RASGEF1C: variants seen among roughly 807,000 people sequenced by gnomAD.
RASGEF1C encodes RasGEF domain family member 1C, also known as ras-GEF domain-containing family member 1C.
A neutral mutation model predicts 58.1 loss-of-function variants in RASGEF1C; 27 were observed. The ratio of observed to expected loss-of-function variants is 0.46; its 90% CI spans 0.34 to 0.64. RASGEF1C has a LOEUF of 0.64. RASGEF1C is among the 30% of genes least tolerant of loss of function. The probability of loss-of-function intolerance (pLI) is 0.01; values close to 1 mark genes in which losing one functional copy is unlikely to be tolerated. For synonymous variants in RASGEF1C, 243 were observed against 246.3 expected (o/e 0.99, Z 0.13); for missense variants, 502 against 605.1 (o/e 0.83, Z 1.79).
chr5:180,202,493 A>C lies in RASGEF1C; in HGVS notation c.-7+6535T>G, dbSNP rs142092228. Among the ~76,000 whole-genome samples the C allele has an allele frequency of 1.2e-4, 18 of 152,312 alleles. No individual in the cohort carries two copies. In the East Asian group the frequency reaches 3.5e-3, roughly 29 times the overall value. On this transcript the variant is annotated intron_variant, in intron 1 of 13. Coordinates refer to ENST00000361132, the MANE Select transcript of RASGEF1C (RefSeq NM_175062.4). ...GAAAAAAAATTCTTTGGAGCTCCAG[A>C]AAAACAATCAAGTCACTTACAAAGG...
chr5:180,209,123 CCGCCGCCG>C lies in RASGEF1C; in HGVS notation c.-110_-103del, dbSNP rs899364330. 2.9e-4 allele frequency: 2 copies of C among 6,880 alleles called. No individual in the cohort carries two copies. Among genetic ancestry groups the C allele is most frequent in the African/African-American group, 7.0e-4 (2 of 2,858 alleles). 0.4% of individuals were successfully genotyped at this position (6,880 alleles called of 1,614,324 possible). On this transcript the variant is annotated 5_prime_UTR_variant, in exon 1 of 14. Transcript: ENST00000361132. ...ACCGGGGCGCCGCCCGCCGCCGCCG[CCGCCGCCG>C]CCGCCGCCGCCGCCGCCGCCCGACC...
chr5:180,200,547 T>C (rs1756370262), intron 1 of RASGEF1C, among the ~76,000 whole-genome samples: 1 of 151,828 alleles, frequency 6.6e-6, no homozygotes, highest in Non-Finnish European at 1.5e-5. Context: ...TCTCCTGACC[T>C]TGTGATCCGC....
Position 180,121,178 on chromosome 5 carries a change from G to A in RASGEF1C, c.715-29C>T, listed in dbSNP as rs376207672. 1.6e-4 allele frequency: 238 copies of A among 1,475,876 alleles called. 2 individuals are homozygous for A. Among genetic ancestry groups the A allele is most frequent in the Admixed American group, 1.3e-4 (8 of 59,798 alleles). The allele number at this position is 1,475,876 out of a possible 1,614,324, so 91.4% of individuals were successfully genotyped here. On this transcript the variant is annotated intron_variant, in intron 6 of 13. Transcript: ENST00000361132. ...GAACAAACACAGCACACGGGACCACGTTCTGAGCCTTTTTGTCTATCATCT... is the reference window on the plus strand; with the variant it reads ...GAACAAACACAGCACACGGGACCACATTCTGAGCCTTTTTGTCTATCATCT...
At position 180,194,586 on chromosome 5, in the gene RASGEF1C, TA is replaced by T. The variant is rs1243381773; in HGVS notation, c.-7+14441del. ...AAAAACCACTGAGTGTACCATTTTTTATTCTCAAGGGGCTTGTCAGCACAGC... is the reference window on the plus strand; with the variant it reads ...AAAAACCACTGAGTGTACCATTTTTTTTCTCAAGGGGCTTGTCAGCACAGC... On this transcript the variant is annotated intron_variant, in intron 1 of 13. Coordinates refer to ENST00000361132, the MANE Select transcript of RASGEF1C (RefSeq NM_175062.4). Among the ~76,000 whole-genome samples, 6 of 152,332 alleles carry T rather than the reference TA, an allele frequency of 3.9e-5. No individual in the cohort carries two copies. The South Asian group carries it at 8.3e-4, about 21-fold the overall frequency.
chr5:180,173,857 G>A (rs1456966243), intron 1 of RASGEF1C, among the ~76,000 whole-genome samples: 2 of 151,236 alleles, frequency 1.3e-5, no homozygotes, highest in East Asian at 1.9e-4. Context: ...AGTTTGCAGT[G>A]AGCTGAGATT....
intron 1 of RASGEF1C, among the ~76,000 whole-genome samples, chr5:180,201,774 C>A (rs1756399192): frequency 6.6e-6 from 1 of 152,212 alleles, no homozygotes; most frequent in African/African-American, 2.4e-5. Flanking sequence ...GAGCCCTCAT[C>A]AATGAGATTA....
chr5:180,107,875 G>C (rs539216476), intron 12 of RASGEF1C, among the ~76,000 whole-genome samples: 10 of 152,340 alleles, frequency 6.6e-5, no homozygotes, highest in African/African-American at 2.4e-4. Flanking sequence ...ACCTGCCTCA[G>C]CCTCCCAAAG....
chr5:180,137,725 C>G lies in RASGEF1C; in HGVS notation c.178-13G>C, dbSNP rs555881537. On this transcript the variant is annotated splice_polypyrimidine_tract_variant and intron_variant, in intron 2 of 13. Transcript: ENST00000361132. This position sits in a 1 kb window ranked among gnomAD's most constrained non-coding sequence, Gnocchi z 4.1. The stretch of plus-strand genomic sequence containing the variant: ...AGATGTAGGCTTTCTGGGGGACACA[C>G]GAGAAAGAGGGCACAGGCTCAGGAG... 1 of 1,612,588 alleles carries G rather than the reference C, an allele frequency of 6.2e-7. No individual in the cohort carries two copies. The highest frequency in any genetic ancestry group is 1.3e-5 in the African/African-American group (1 of 74,906).
intron 6 of RASGEF1C, among the ~76,000 whole-genome samples, chr5:180,126,298 T>G (rs1003031984): frequency 6.6e-6 from 1 of 151,910 alleles, no homozygotes; most frequent in South Asian, 2.1e-4. Flanking sequence ...TCCCAGCTAT[T>G]GGGGAGGCTG....
chr5:180,112,927 G>GT lies in RASGEF1C; in HGVS notation c.1180-1348_1180-1347insA, dbSNP rs1765984082. On this transcript the variant is annotated intron_variant, in intron 11 of 13. Coordinates refer to ENST00000361132, the MANE Select transcript of RASGEF1C (RefSeq NM_175062.4). Reference sequence around the variant, plus strand: ...GGACCGTGGATGGACAGAGGGATCCGGGATGGACGGAGGGACCGGGGATGG... The same window carrying GT: ...GGACCGTGGATGGACAGAGGGATCCGTGGATGGACGGAGGGACCGGGGATGG... 4.3e-5 allele frequency among the ~76,000 whole-genome samples: 5 copies of GT among 116,350 alleles called. No homozygotes were observed. In the Admixed American group the frequency reaches 4.4e-4, roughly 10 times the overall value. 76.3% of individuals were successfully genotyped at this position (116,350 alleles called of 152,430 possible).
rs1410841146 is a variant in RASGEF1C at position 180,141,760 on chromosome 5, A to G, written c.-6-3702T>C. On this transcript the variant is annotated intron_variant, in intron 1 of 13. Transcript: ENST00000361132. ...TTTAAACAGAGTCTCACCAGGCTGG[A>G]GTGTAGTGGCACGATCTTTGCTCAC... 2.8e-5 allele frequency among the ~76,000 whole-genome samples: 4 copies of G among 144,158 alleles called. No homozygotes were observed. The East Asian group carries it at 8.1e-4, about 29-fold the overall frequency. 94.6% of individuals were successfully genotyped at this position (144,158 alleles called of 152,430 possible).
At chr5:180,186,734 G>A (rs1248918680) in intron 1 of RASGEF1C, among the ~76,000 whole-genome samples, 1 of 152,200 alleles carries the variant, frequency 6.6e-6, no homozygotes, top group Non-Finnish European at 1.5e-5. Flanking sequence ...GGGAGGCCAA[G>A]GCGGGCTGGA....
In RASGEF1C at chr5:180,128,404, G is replaced by C. The variant is rs1483584074; in HGVS notation, c.639+6C>G. On this transcript the variant is annotated splice_donor_region_variant and intron_variant, in intron 5 of 13. Coordinates refer to ENST00000361132, the MANE Select transcript of RASGEF1C (RefSeq NM_175062.4). ...CGGGTGAGGAAGGTGGTTTGGGCCG[G>C]CTTACCAGTTCCACGTGGGTCAGCT... 1 of 1,612,332 alleles carries C rather than the reference G, an allele frequency of 6.2e-7. No homozygotes were observed. The highest frequency in any genetic ancestry group is 1.3e-5 in the African/African-American group (1 of 75,004).
At chr5:180,175,770 C>T (rs921348546) in intron 1 of RASGEF1C, among the ~76,000 whole-genome samples, 1 of 152,214 alleles carries the variant, frequency 6.6e-6, no homozygotes, top group African/African-American at 2.4e-5. Context: ...GAGGCTGAGG[C>T]AGCAGATCAC....
Position 180,155,170 on chromosome 5 carries a change from C to T in RASGEF1C, c.-6-17112G>A, listed in dbSNP as rs1336972867. On this transcript the variant is annotated intron_variant, in intron 1 of 13. Transcript: ENST00000361132. The surrounding 1 kb of genome is among the most constrained non-coding windows in gnomAD (Gnocchi z 5.2). Reference sequence around the variant, plus strand: ...CACAGAAACCTCAAGGGAGGAAAGCCCCCAACCCTGAGTATGGGTCTGGAC... The same window carrying T: ...CACAGAAACCTCAAGGGAGGAAAGCTCCCAACCCTGAGTATGGGTCTGGAC... Among the ~76,000 whole-genome samples the T allele has an allele frequency of 6.6e-6, 1 of 152,154 alleles. No homozygotes were observed. Among genetic ancestry groups the T allele is most frequent in the East Asian group, 1.9e-4 (1 of 5,172 alleles).
rs1488468375 is a variant in RASGEF1C, at chr5:180,119,446, T to C, written c.807A>G (p.Pro269=). Residue 269 remains proline, a splice_region_variant and synonymous_variant, in exon 8 of 14, where the codon CCA becomes CCG. Transcript: ENST00000361132. ...CYLVATEICM[P]AKKKQRAQVI... ...CCTGGGCCCTCTGCTTCTTCTTGGC[T>C]GGCTGGGGACAGGGCAGCAGAGCCT... 1 of 1,613,898 alleles carries C rather than the reference T, an allele frequency of 6.2e-7. No individual in the cohort carries two copies. Among genetic ancestry groups the C allele is most frequent in the Non-Finnish European group, 8.5e-7 (1 of 1,179,806 alleles).
In RASGEF1C at chr5:180,155,603, G is replaced by A. The variant is rs1163858690; in HGVS notation, c.-6-17545C>T. ...GGCCCGGCTTGCAGGCAATCTGTTG[G>A]ATGCGAGGCGACAGCACCAAGACCC... is the stretch of plus-strand genomic sequence containing the variant. On this transcript the variant is annotated intron_variant, in intron 1 of 13. Coordinates refer to ENST00000361132, the MANE Select transcript of RASGEF1C (RefSeq NM_175062.4). This position sits in a 1 kb window ranked among gnomAD's most constrained non-coding sequence, Gnocchi z 5.2. 6.6e-6 allele frequency among the ~76,000 whole-genome samples: 1 copy of A among 151,978 alleles called. No homozygotes were observed. The highest frequency in any genetic ancestry group is 1.5e-5 in the Non-Finnish European group (1 of 68,000).
chr5:180,123,505 T>TGGAATTAG (rs1322971008), intron 6 of RASGEF1C, among the ~76,000 whole-genome samples: 4 of 152,216 alleles, frequency 2.6e-5, no homozygotes, highest in African/African-American at 9.6e-5. Flanking sequence ...GATGAAATCA[T>TGGAATTAG]AATGGAATTA....
At chr5:180,195,852 C>T (rs1756265583) in intron 1 of RASGEF1C, among the ~76,000 whole-genome samples, 1 of 152,124 alleles carries the variant, frequency 6.6e-6, no homozygotes, top group South Asian at 2.1e-4. Flanking sequence ...GTCACAATCC[C>T]CCGTGCATCC....
Sources: gnomAD v4.1 joint callset for allele counts (sites outside exome capture counted in the v4.1 genomes callset) on GRCh38, gnomAD v4.1.1 for gene constraint, Gnocchi (gnomAD v3.1) non-coding constraint, MANE v1.5 for transcripts, NCBI Gene and HGNC (gene_info 2026-07-23, HGNC 2026-07-21) for gene names.